The following ERC2 variants were observed in gnomAD, a reference collection of about 807,000 sequenced individuals.
ERC2 encodes ELKS/RAB6-interacting/CAST family member 2.
A neutral mutation model predicts 114.8 loss-of-function variants in ERC2; 42 were observed. The observed-to-expected ratio is 0.37, with a 90% confidence interval of 0.29 to 0.47. The LOEUF (loss-of-function observed/expected upper bound fraction) is 0.47. ERC2 is among the 20% of genes least tolerant of loss of function. The pLI is 0.99. For missense variants in ERC2, 939 were observed against 1,150.7 expected, an observed-to-expected ratio of 0.82 and a Z score of 2.66; for synonymous variants, 454 against 425.5, an observed-to-expected ratio of 1.07 and a Z score of -0.82.
At chr3:55,775,463 T>G (rs893358641) in intron 14 of ERC2, among the ~76,000 whole-genome samples, 2 of 151,550 alleles carry the variant, frequency 1.3e-5, no homozygotes, top group Non-Finnish European at 2.9e-5. Flanking sequence ...CCCAGGAGAA[T>G]GAGGCTGCAG....
At chr3:56,010,403 G>T (rs200601370) in intron 9 of ERC2, 46 bp downstream of exon 9, 50 of 1,597,872 alleles carry the variant, frequency 3.1e-5, no homozygotes, top group Non-Finnish European at 4.1e-5. Flanking sequence ...TTGAATATGG[G>T]TTTATGAGGA....
At position 55,539,415 on chromosome 3, in the gene ERC2, C is replaced by CTTTTTTTTTTTTTTTTTTTTTT. The variant is rs58749389; in HGVS notation, c.*40-28161_*40-28140dup. On this transcript the variant is annotated intron_variant, in intron 17 of 17. Transcript: ENST00000288221. ...TCTCTCTCTCTCTCTTTTTTTCTTTCTTTTTTTTTTTTTTTTTTTTTTTTT... is the reference window on the plus strand; with the variant it reads ...TCTCTCTCTCTCTCTTTTTTTCTTTCTTTTTTTTTTTTTTTTTTTTTTTTTTTTTTTTTTTTTTTTTTTTTTT... Among the ~76,000 whole-genome samples, 106 of 39,108 alleles carry CTTTTTTTTTTTTTTTTTTTTTT rather than the reference C, an allele frequency of 2.7e-3. 20 individuals carry two copies. Among genetic ancestry groups the CTTTTTTTTTTTTTTTTTTTTTT allele is most frequent in the Admixed American group, 4.1e-3 (8 of 1,954 alleles). 25.7% of individuals were successfully genotyped at this position (39,108 alleles called of 152,430 possible). A position where few individuals can be genotyped will look rare whatever the true frequency, so the allele number is the denominator to read the frequency against.
intron 12 of ERC2, among the ~76,000 whole-genome samples, chr3:55,969,829 T>C (rs2069027496): frequency 6.6e-6 from 1 of 152,100 alleles, no homozygotes; most frequent in Non-Finnish European, 1.5e-5. Flanking sequence ...AAGAAAAAAA[T>C]GGTAATCACA....
At chr3:56,166,952 G>A (rs921307806) in intron 4 of ERC2, among the ~76,000 whole-genome samples, 2 of 151,684 alleles carry the variant, frequency 1.3e-5, no homozygotes, top group Non-Finnish European at 2.9e-5. Context: ...GGTTTAATGC[G>A]ATCTACCACA....
At chr3:56,348,186 T>G (rs1418011083) in intron 2 of ERC2, among the ~76,000 whole-genome samples, 1 of 152,024 alleles carries the variant, frequency 6.6e-6, no homozygotes, top group Non-Finnish European at 1.5e-5. Flanking sequence ...TCCTTCTAAT[T>G]CTCCATCACA....
intron 7 of ERC2, among the ~76,000 whole-genome samples, chr3:56,051,576 C>T (rs1303591846): frequency 6.6e-6 from 1 of 152,050 alleles, no homozygotes; most frequent in African/African-American, 2.4e-5. Flanking sequence ...TCTTGAGAAC[C>T]AGAGCTCAGA....
At chr3:55,783,406 T>C (rs764151180) in intron 14 of ERC2, among the ~76,000 whole-genome samples, 1 of 152,222 alleles carries the variant, frequency 6.6e-6, no homozygotes, top group African/African-American at 2.4e-5. Context: ...GCCTAGATTG[T>C]TATTTTTTAA....
chr3:55,699,610 T>C, intron 15 of ERC2, 98 bp from the exon 16 acceptor site: 5 of 1,305,720 alleles, frequency 3.8e-6, no homozygotes, highest in Non-Finnish European at 4.1e-6. Flanking sequence ...GATCCCTTTG[T>C]TCCTAATTCA....
intron 2 of ERC2, among the ~76,000 whole-genome samples, chr3:56,387,824 C>A (rs2059989087): frequency 6.6e-6 from 1 of 152,156 alleles, no homozygotes; most frequent in African/African-American, 2.4e-5. Flanking sequence ...GATAAGGAGA[C>A]AGAGCAAGTC....
chr3:56,434,976 A>C lies in ERC2; in HGVS notation c.32T>G (p.Leu11Arg), dbSNP rs1415410359. The C allele has an allele frequency of 5.6e-6, 9 of 1,612,158 alleles. No individual in the cohort carries two copies. The highest frequency in any genetic ancestry group is 6.8e-6 in the Non-Finnish European group (8 of 1,179,746). MYGSARTITN[L>R]EGSPSRSPRL... Reference sequence around the variant, plus strand: ...AGGGGATCTGGAAGGGCTACCTTCCAGATTGGTGATTGTTCTTGCACTTCC... The same window carrying C: ...AGGGGATCTGGAAGGGCTACCTTCCCGATTGGTGATTGTTCTTGCACTTCC... The change falls in exon 2 of 18, where the codon CTG becomes CGG. Residue 11 changes from leucine (L) to arginine (R), a missense_variant. Coordinates refer to ENST00000288221, the MANE Select transcript of ERC2 (RefSeq NM_015576.3).
At chr3:56,062,909 C>T (rs1278022101) in intron 7 of ERC2, among the ~76,000 whole-genome samples, 6 of 152,044 alleles carry the variant, frequency 3.9e-5, no homozygotes, top group Admixed American at 2.6e-4. Context: ...TTTTCAGTGC[C>T]AACATCCTAC....
chr3:55,697,108 T>C (rs962444210), intron 16 of ERC2, among the ~76,000 whole-genome samples: 1 of 152,176 alleles, frequency 6.6e-6, no homozygotes, highest in Non-Finnish European at 1.5e-5. Context: ...CCTGGATTCT[T>C]ATTCTAGGGC....
chr3:55,826,847 T>C (rs942762626), intron 14 of ERC2, among the ~76,000 whole-genome samples: 4 of 152,222 alleles, frequency 2.6e-5, no homozygotes. Context: ...AGCTTTCAAA[T>C]GGAAGACTGG....
intron 12 of ERC2, among the ~76,000 whole-genome samples, chr3:55,971,405 G>A (rs550491401): frequency 9.9e-5 from 15 of 151,750 alleles, no homozygotes; most frequent in African/African-American, 3.6e-4. Flanking sequence ...CTATAAAAAA[G>A]TTTATAAAAA....
chr3:56,317,833 G>T (rs760053623), intron 2 of ERC2, among the ~76,000 whole-genome samples: 1 of 152,192 alleles, frequency 6.6e-6, no homozygotes, highest in Non-Finnish European at 1.5e-5. Flanking sequence ...AAAGTCAAAT[G>T]GGGGGTGTTC....
chr3:56,328,760 C>T (rs1226993259), intron 2 of ERC2, among the ~76,000 whole-genome samples: 1 of 152,166 alleles, frequency 6.6e-6, no homozygotes, highest in Admixed American at 6.5e-5. Context: ...CAAGGTCACA[C>T]ACAAGAATAA....
intron 13 of ERC2, among the ~76,000 whole-genome samples, chr3:55,916,476 A>G (rs1434461832): frequency 6.6e-6 from 1 of 152,180 alleles, no homozygotes; most frequent in East Asian, 1.9e-4. Flanking sequence ...CAAGCAGAGA[A>G]GTAAAAATGC....
intron 16 of ERC2, among the ~76,000 whole-genome samples, chr3:55,691,371 A>G (rs1179947222): frequency 6.6e-6 from 1 of 151,784 alleles, no homozygotes; most frequent in Admixed American, 6.6e-5. Flanking sequence ...TTCTGAAAGG[A>G]CTGGCCCAGG....
chr3:55,796,725 C>T (rs947565869), intron 14 of ERC2, among the ~76,000 whole-genome samples: 1 of 152,162 alleles, frequency 6.6e-6, no homozygotes, highest in Admixed American at 6.5e-5. Flanking sequence ...GGGCCCAGCC[C>T]CACTGCCTGT....
Sources: allele counts gnomAD v4.1 joint callset (sites outside exome capture counted in the v4.1 genomes callset), GRCh38; gene constraint gnomAD v4.1.1; transcripts MANE v1.5; gene names NCBI Gene and HGNC (gene_info 2026-07-23, HGNC 2026-07-21).